NRXN1: variants seen among roughly 807,000 people sequenced by gnomAD.
NRXN1 encodes the protein neurexin-1.
A neutral mutation model predicts 150.9 loss-of-function variants in NRXN1; 39 were observed. The ratio of observed to expected loss-of-function variants is 0.26; its 90% CI spans 0.20 to 0.34. The LOEUF is 0.34. NRXN1 is among the 10% of genes least tolerant of loss of function. The pLI is 1.00. For synonymous variants in NRXN1, 924 were observed against 757.0 expected, an observed-to-expected ratio of 1.22 and a Z score of -3.62; for missense variants, 1,815 against 1,949.9, an observed-to-expected ratio of 0.93 and a Z score of 1.30.
At chr2:49,986,374 C>T (rs561827585) in intron 21 of NRXN1, among the ~76,000 whole-genome samples, 1 of 151,952 alleles carries the variant, frequency 6.6e-6, no homozygotes, top group African/African-American at 2.4e-5. Flanking sequence ...AACAATAAAC[C>T]CATTAACATA....
chr2:50,461,711 T>C (rs191793752), intron 17 of NRXN1, among the ~76,000 whole-genome samples: 351 of 152,096 alleles, frequency 2.3e-3, no homozygotes, highest in Non-Finnish European at 4.2e-3. Flanking sequence ...CACCATACAA[T>C]GTAGTCCAGC....
At chr2:50,433,433 T>A (rs2085146558) in intron 17 of NRXN1, among the ~76,000 whole-genome samples, 1 of 152,226 alleles carries the variant, frequency 6.6e-6, no homozygotes, top group Non-Finnish European at 1.5e-5. Flanking sequence ...TTTTTCATTA[T>A]TACATAAAAT....
At chr2:50,633,511 A>AT (rs1318793665) in intron 5 of NRXN1, among the ~76,000 whole-genome samples, 2 of 149,662 alleles carry the variant, frequency 1.3e-5, no homozygotes, top group Non-Finnish European at 3.0e-5. Flanking sequence ...TTTTTGGTTT[A>AT]TTTTGTTTTG....
At chr2:50,890,347 A>G (rs1203911244) in intron 5 of NRXN1, among the ~76,000 whole-genome samples, 1 of 151,840 alleles carries the variant, frequency 6.6e-6, no homozygotes, top group Non-Finnish European at 1.5e-5. Flanking sequence ...GCCCTTTAAA[A>G]ATCAACCACT....
chr2:49,940,513 AC>A (rs754881005), intron 22 of NRXN1, among the ~76,000 whole-genome samples: 4 of 152,214 alleles, frequency 2.6e-5, no homozygotes, highest in Non-Finnish European at 4.4e-5. Context: ...GGAAACAATG[AC>A]CTGCAGGAGG....
At chr2:50,064,699 A>C (rs572505090) in intron 19 of NRXN1, among the ~76,000 whole-genome samples, 1 of 152,240 alleles carries the variant, frequency 6.6e-6, no homozygotes, top group African/African-American at 2.4e-5. Flanking sequence ...TCTTTTACTA[A>C]ACTGAAATGT....
chr2:50,747,398 T>G (rs1302424843), intron 5 of NRXN1, among the ~76,000 whole-genome samples: 1 of 152,172 alleles, frequency 6.6e-6, no homozygotes, highest in Non-Finnish European at 1.5e-5. Flanking sequence ...GATTCCTCTG[T>G]GGATGTTTGG....
intron 17 of NRXN1, among the ~76,000 whole-genome samples, chr2:50,374,816 G>C (rs1306955465): frequency 6.6e-6 from 1 of 152,074 alleles, no homozygotes; most frequent in Non-Finnish European, 1.5e-5. Context: ...AATAATTCCA[G>C]TTTGAATGCT....
chr2:50,317,227 T>A (rs1442160790), intron 17 of NRXN1, among the ~76,000 whole-genome samples: 2 of 151,942 alleles, frequency 1.3e-5, no homozygotes, highest in Non-Finnish European at 2.9e-5. Flanking sequence ...CAATTCTACA[T>A]AATTGATTAA....
chr2:50,173,206 A>G (rs529162743), intron 18 of NRXN1, among the ~76,000 whole-genome samples: 9 of 152,256 alleles, frequency 5.9e-5, no homozygotes, highest in African/African-American at 1.9e-4. Context: ...AAAAGCAAAA[A>G]CTCATCAGAA....
rs554134011 is a variant in NRXN1 at position 50,831,907 on chromosome 2, T to G, written c.832+89962A>C. On this transcript the variant is annotated intron_variant, in intron 5 of 22. Transcript: ENST00000401669. ...ACAGATGCACAGAGAAACAGCGTTC[T>G]GAGTGACGCTGATTGTTCACATTGA... Among the ~76,000 whole-genome samples, 5 of 152,308 alleles carry G rather than the reference T, an allele frequency of 3.3e-5. No individual in the cohort carries two copies. The East Asian group carries it at 9.7e-4, about 29-fold the overall frequency.
At chr2:50,532,035 A>G (rs1417946877) in intron 10 of NRXN1, among the ~76,000 whole-genome samples, 1 of 151,966 alleles carries the variant, frequency 6.6e-6, no homozygotes, top group East Asian at 1.9e-4. Flanking sequence ...ACTTTTTTCT[A>G]GAGATGGGTC....
At chr2:50,430,150 T>C (rs1205206857) in intron 17 of NRXN1, among the ~76,000 whole-genome samples, 8 of 152,180 alleles carry the variant, frequency 5.3e-5, no homozygotes, top group Non-Finnish European at 8.8e-5. Flanking sequence ...TGTCACTCAA[T>C]TGAACTCTAT....
In NRXN1 at chr2:50,049,279, C is replaced by CT. The variant is rs1692322039; in HGVS notation, c.4128+3991dup. Among the ~76,000 whole-genome samples, 5 of 152,206 alleles carry CT rather than the reference C, an allele frequency of 3.3e-5. No individual in the cohort carries two copies. In the South Asian group the frequency reaches 1.0e-3, roughly 32 times the overall value. ...ACATGATGGAAGACAGAGGTGAAAT[C>CT]TATGTTTTGGTAAATAATCATGAGA... On this transcript the variant is annotated intron_variant, in intron 21 of 22. Transcript: ENST00000401669.
At position 50,641,546 on chromosome 2, in the gene NRXN1, C is replaced by T. The variant is rs371962027; in HGVS notation, c.833-17931G>A. Among the ~76,000 whole-genome samples, 85 of 152,048 alleles carry T rather than the reference C, an allele frequency of 5.6e-4. 2 individuals carry two copies. The highest frequency in any genetic ancestry group is 1.9e-3 in the African/African-American group (80 of 41,498). ...GTTCTTTTTATATTTGGCATACAAC[C>T]GAGAGACATCAGAATTCTATACAAA... On this transcript the variant is annotated intron_variant, in intron 5 of 22. Transcript: ENST00000401669.
chr2:51,001,804 A>G (rs1263068113), intron 2 of NRXN1, among the ~76,000 whole-genome samples: 1 of 151,998 alleles, frequency 6.6e-6, no homozygotes, highest in Admixed American at 6.6e-5. Context: ...AAACTGCAGA[A>G]GCAGGAAGGT....
intron 21 of NRXN1, among the ~76,000 whole-genome samples, chr2:50,039,231 TGAG>T (rs1690537106): frequency 6.6e-6 from 1 of 151,736 alleles, no homozygotes; most frequent in Non-Finnish European, 1.5e-5. Context: ...TTTGGGAGGC[TGAG>T]GAGGGTAGAT....
At chr2:50,626,725 C>T (rs1202235927) in intron 5 of NRXN1, among the ~76,000 whole-genome samples, 1 of 151,832 alleles carries the variant, frequency 6.6e-6, no homozygotes, top group African/African-American at 2.4e-5. Context: ...AGCATAAAGG[C>T]ACTAATAAAT....
At chr2:50,294,537 T>C (rs1044416178) in intron 17 of NRXN1, among the ~76,000 whole-genome samples, 2 of 152,232 alleles carry the variant, frequency 1.3e-5, no homozygotes, top group African/African-American at 4.8e-5. Context: ...TTCTCTGTTC[T>C]GGTGAAGTTC....
Sources: allele counts gnomAD v4.1 joint callset (sites outside exome capture counted in the v4.1 genomes callset), GRCh38; gene constraint gnomAD v4.1.1; transcripts MANE v1.5; gene names NCBI Gene and HGNC (gene_info 2026-07-23, HGNC 2026-07-21).